FOXJ3: variants seen among roughly 807,000 people sequenced by gnomAD.
FOXJ3 encodes forkhead box protein J3.
In FOXJ3, 22 loss-of-function variants were observed where a neutral mutation model predicts 76.1. The ratio of observed to expected loss-of-function variants is 0.29; its 90% CI spans 0.21 to 0.41. FOXJ3 has a LOEUF of 0.41. Ranked by LOEUF, FOXJ3 falls within the 10% of genes least tolerant of loss-of-function variation. The pLI, the probability that FOXJ3 is intolerant of heterozygous loss-of-function variation, is 1.00. For synonymous variants in FOXJ3, 269 were observed against 261.2 expected (o/e 1.03, Z -0.29); for missense variants, 613 against 762.1 (o/e 0.80, Z 2.30).
At position 42,306,376 on chromosome 1, in the gene FOXJ3, C is replaced by T. The variant is rs537623179; in HGVS notation, c.44+4674G>A. Among the ~76,000 whole-genome samples the T allele has an allele frequency of 8.9e-5, 13 of 146,420 alleles. No individual in the cohort carries two copies. The South Asian group carries it at 2.6e-3, about 30-fold the overall frequency. ...GGAGTGCAGTGGCACAATCTCAGCT[C>T]ACTGCAACCTCCACCTCCCAGGTTC... On this transcript the variant is annotated intron_variant, in intron 2 of 12. Transcript: ENST00000361346.
intron 2 of FOXJ3, among the ~76,000 whole-genome samples, chr1:42,286,549 T>C (rs1653064639): frequency 6.6e-6 from 1 of 152,204 alleles, no homozygotes; most frequent in Non-Finnish European, 1.5e-5. Flanking sequence ...TATAAAGCAC[T>C]GAGAACACCT....
chr1:42,223,392 TTATC>T (rs1647304815), intron 5 of FOXJ3, among the ~76,000 whole-genome samples: 1 of 152,188 alleles, frequency 6.6e-6, no homozygotes, highest in Non-Finnish European at 1.5e-5. Context: ...TAACTTTAGT[TTATC>T]TAACCAAATC....
chr1:42,213,098 G>C (rs1181933524), intron 5 of FOXJ3, among the ~76,000 whole-genome samples: 1 of 152,054 alleles, frequency 6.6e-6, no homozygotes, highest in African/African-American at 2.4e-5. Flanking sequence ...GAAACAAAAG[G>C]TTGATGCGCA....
chr1:42,253,483 CA>C (rs1371757016), intron 4 of FOXJ3, among the ~76,000 whole-genome samples: 2 of 150,838 alleles, frequency 1.3e-5, no homozygotes, highest in African/African-American at 4.9e-5. Flanking sequence ...CATATGGAAC[CA>C]AAAAAGAGCC....
At chr1:42,192,389 T>C (rs771755914) in intron 8 of FOXJ3, among the ~76,000 whole-genome samples, 3 of 152,154 alleles carry the variant, frequency 2.0e-5, no homozygotes, top group Non-Finnish European at 2.9e-5. Context: ...GTTTAACAGC[T>C]ACACAGGATA....
chr1:42,317,954 A>T (rs1655219078), intron 1 of FOXJ3, among the ~76,000 whole-genome samples: 1 of 152,182 alleles, frequency 6.6e-6, no homozygotes, highest in Admixed American at 6.5e-5. Context: ...TCAGAATGTG[A>T]GCTCCATGTT....
chr1:42,282,823 G>C (rs527675599), intron 2 of FOXJ3, among the ~76,000 whole-genome samples: 2 of 152,192 alleles, frequency 1.3e-5, no homozygotes, highest in South Asian at 4.1e-4. Flanking sequence ...CTAAAGCAGA[G>C]TATAAATACA....
chr1:42,214,610 G>A (rs1569893029), intron 5 of FOXJ3, among the ~76,000 whole-genome samples: 1 of 152,118 alleles, frequency 6.6e-6, no homozygotes, highest in East Asian at 1.9e-4. Flanking sequence ...CATTCCAAAG[G>A]GTAAATACAA....
At chr1:42,236,915 T>A (rs566491945) in intron 4 of FOXJ3, among the ~76,000 whole-genome samples, 1 of 152,256 alleles carries the variant, frequency 6.6e-6, no homozygotes, top group Non-Finnish European at 1.5e-5. Flanking sequence ...GCTGTACATC[T>A]TTGCATGTAC....
At chr1:42,267,644 C>A (rs1461904015) in intron 3 of FOXJ3, among the ~76,000 whole-genome samples, 1 of 151,604 alleles carries the variant, frequency 6.6e-6, no homozygotes, top group Non-Finnish European at 1.5e-5. Flanking sequence ...AGAGAAGACT[C>A]AGGTGTTAGA....
intron 7 of FOXJ3, among the ~76,000 whole-genome samples, chr1:42,196,445 C>T (rs1646652638): frequency 6.6e-6 from 1 of 152,144 alleles, no homozygotes; most frequent in Non-Finnish European, 1.5e-5. Context: ...ATAATCCCAG[C>T]ACTTTAAGAG....
At chr1:42,310,212 C>A (rs1654721493) in intron 2 of FOXJ3, among the ~76,000 whole-genome samples, 1 of 145,146 alleles carries the variant, frequency 6.9e-6, no homozygotes, top group Admixed American at 7.0e-5. Flanking sequence ...AATGGCAGAT[C>A]TCGGCTTACT....
At chr1:42,287,009 T>G (rs1653098315) in intron 2 of FOXJ3, among the ~76,000 whole-genome samples, 1 of 152,030 alleles carries the variant, frequency 6.6e-6, no homozygotes, top group Non-Finnish European at 1.5e-5. Context: ...TCACAATATA[T>G]TCAATCTGTT....
At chr1:42,276,717 T>C (rs554515928) in intron 3 of FOXJ3, among the ~76,000 whole-genome samples, 13 of 152,296 alleles carry the variant, frequency 8.5e-5, no homozygotes, top group African/African-American at 2.4e-4. Context: ...AAGTGATAAA[T>C]AGTAAACTTT....
At chr1:42,198,484 C>CT (rs1646696652) in intron 7 of FOXJ3, among the ~76,000 whole-genome samples, 1 of 152,000 alleles carries the variant, frequency 6.6e-6, no homozygotes, top group South Asian at 2.1e-4. Flanking sequence ...CTCTTGGGCT[C>CT]TATTATCTGC....
At chr1:42,273,101 ACT>A (rs1651981923) in intron 3 of FOXJ3, among the ~76,000 whole-genome samples, 1 of 152,152 alleles carries the variant, frequency 6.6e-6, no homozygotes, top group Non-Finnish European at 1.5e-5. Flanking sequence ...TTCATTTAAC[ACT>A]TTTTACTACG....
chr1:42,276,905 C>T (rs1652304915), intron 3 of FOXJ3, among the ~76,000 whole-genome samples: 1 of 152,146 alleles, frequency 6.6e-6, no homozygotes, highest in Admixed American at 6.5e-5. Context: ...TAATCATGAG[C>T]AACATATATT....
chr1:42,199,380 C>G, intron 6 of FOXJ3, 150 bp from the exon 7 acceptor site: 1 of 573,460 alleles, frequency 1.7e-6, no homozygotes, highest in African/African-American at 1.8e-5. Flanking sequence ...CCCCATATGG[C>G]TAAGTTCGTG....
intron 2 of FOXJ3, among the ~76,000 whole-genome samples, chr1:42,304,361 C>A (rs1432511953): frequency 1.3e-5 from 2 of 151,904 alleles, no homozygotes; most frequent in Non-Finnish European, 2.9e-5. Flanking sequence ...CAATCCCTAT[C>A]AAAATACCAA....
Sources: gnomAD v4.1 joint callset for allele counts (sites outside exome capture counted in the v4.1 genomes callset) on GRCh38, gnomAD v4.1.1 for gene constraint, MANE v1.5 for transcripts, NCBI Gene and HGNC (gene_info 2026-07-23, HGNC 2026-07-21) for gene names.